Variants in MBD5 observed in about 807,000 individuals in gnomAD.
MBD5 encodes methyl-CpG binding domain protein 5.
In MBD5, 13 loss-of-function variants were observed where a neutral mutation model predicts 117.3. The observed-to-expected ratio is 0.11, with a 90% CI of 0.07 to 0.18. The LOEUF (loss-of-function observed/expected upper bound fraction) is 0.18, where lower values mean the gene tolerates loss of function less well. Ranked by LOEUF, MBD5 falls within the 10% of genes least tolerant of loss-of-function variation. The probability of loss-of-function intolerance (pLI) is 1.00; values close to 1 mark genes in which losing one functional copy is unlikely to be tolerated. For synonymous variants in MBD5, 727 were observed against 766.4 expected (o/e 0.95, Z 0.85); for missense variants, 1,879 against 2,093.8 (o/e 0.90, Z 2.00).
At chr2:148,394,705 C>T in intron 4 of MBD5, among the ~76,000 whole-genome samples, 1 of 133,322 alleles carries the variant, frequency 7.5e-6, no homozygotes. Flanking sequence ...TTTGTTAGTG[C>T]TGTTCTCAAT....
chr2:148,509,437 C>G (rs1682143972), intron 12 of MBD5, among the ~76,000 whole-genome samples: 1 of 152,202 alleles, frequency 6.6e-6, no homozygotes, highest in African/African-American at 2.4e-5. Flanking sequence ...GATAGGCACC[C>G]TGAGGCCGTC....
At chr2:148,122,699 GT>G (rs2105414277) in intron 1 of MBD5, among the ~76,000 whole-genome samples, 1 of 152,286 alleles carries the variant, frequency 6.6e-6, no homozygotes, top group Non-Finnish European at 1.5e-5. Context: ...CATTCAATAT[GT>G]TGACTGTCTT....
chr2:148,077,847 A>G (rs1695543890), intron 1 of MBD5, among the ~76,000 whole-genome samples: 1 of 152,106 alleles, frequency 6.6e-6, no homozygotes, highest in Admixed American at 6.5e-5. Flanking sequence ...GATGCCTTGA[A>G]CTTAATACAT....
chr2:148,370,595 C>G (rs142233552), intron 4 of MBD5, among the ~76,000 whole-genome samples: 1 of 152,164 alleles, frequency 6.6e-6, no homozygotes, highest in Non-Finnish European at 1.5e-5. Context: ...CTCAAGTGAT[C>G]CTGCTGCCTC....
At chr2:148,059,472 C>G (rs1694967114) in intron 1 of MBD5, among the ~76,000 whole-genome samples, 2 of 152,094 alleles carry the variant, frequency 1.3e-5, no homozygotes, top group South Asian at 4.1e-4. Context: ...TTACTGTTAG[C>G]TATGTAAATA....
chr2:148,134,446 A>G (rs904174232), intron 1 of MBD5, among the ~76,000 whole-genome samples: 6 of 152,196 alleles, frequency 3.9e-5, no homozygotes, highest in African/African-American at 1.4e-4. Context: ...TCCTTTGAAC[A>G]TGGATAATAG....
Position 148,468,741 on chromosome 2 carries a change from T to A in MBD5, c.798T>A (p.Ile266=), listed in dbSNP as rs1208664164. Residue 266 remains isoleucine (I), a synonymous_variant, in exon 8 of 14, where the codon ATT becomes ATA. Transcript: ENST00000642680. ...ATGGAGCTCCCAATTCTAGTCCTAT[T>A]CACCTGAATAGGACTCCTCTTTCTC... The part of the protein sequence containing the change: ...GFHGAPNSSP[I]HLNRTPLSPP... 1.2e-6 allele frequency: 2 copies of A among 1,613,956 alleles called. No homozygotes were observed. Among genetic ancestry groups the A allele is most frequent in the Admixed American group, 3.3e-5 (2 of 60,004 alleles).
chr2:148,292,872 A>G (rs150097626), intron 3 of MBD5, among the ~76,000 whole-genome samples: 78 of 151,364 alleles, frequency 5.2e-4, no homozygotes, highest in African/African-American at 1.8e-3. Flanking sequence ...CCTATACACA[A>G]CAGAGTACCA....
Position 148,053,393 on chromosome 2 carries a change from T to C in MBD5, c.-925+31709T>C, listed in dbSNP as rs371227967. On this transcript the variant is annotated intron_variant, in intron 1 of 13. Transcript: ENST00000642680. ...AAAATAAAATACACAACATGGTAAA[T>C]TTTGAAGCTTAATAATAAAATAAAT... Among the ~76,000 whole-genome samples, 4 of 152,098 alleles carry C rather than the reference T, an allele frequency of 2.6e-5. No homozygotes were observed. The East Asian group carries it at 5.8e-4, about 22-fold the overall frequency.
At chr2:148,202,225 A>T (rs1699164205) in intron 2 of MBD5, among the ~76,000 whole-genome samples, 1 of 152,232 alleles carries the variant, frequency 6.6e-6, no homozygotes, top group South Asian at 2.1e-4. Flanking sequence ...TCAAAATATG[A>T]TATGTTCTAA....
chr2:148,201,866 G>A (rs553516135), intron 2 of MBD5, among the ~76,000 whole-genome samples: 5 of 152,258 alleles, frequency 3.3e-5, no homozygotes, highest in South Asian at 4.2e-4. Context: ...TAAAACAAAG[G>A]CTCAAGGGGC....
intron 8 of MBD5, among the ~76,000 whole-genome samples, chr2:148,477,972 C>T (rs75168630): frequency 6.6e-6 from 1 of 152,094 alleles, no homozygotes; most frequent in Non-Finnish European, 1.5e-5. Flanking sequence ...CTTCATTGGT[C>T]TCTTTGATAT....
At chr2:148,079,855 T>C (rs1695602122) in intron 1 of MBD5, among the ~76,000 whole-genome samples, 1 of 79,912 alleles carries the variant, frequency 1.3e-5, no homozygotes, top group African/African-American at 5.4e-5. Flanking sequence ...AGACTCTGTC[T>C]AAAACAACAA....
At chr2:148,224,201 A>C (rs189174181) in intron 2 of MBD5, among the ~76,000 whole-genome samples, 3 of 152,296 alleles carry the variant, frequency 2.0e-5, no homozygotes, top group Admixed American at 6.5e-5. Context: ...CAGCCATTGG[A>C]TGAACTGTTC....
chr2:148,474,683 A>T (rs1444656092), intron 8 of MBD5, among the ~76,000 whole-genome samples: 3 of 152,194 alleles, frequency 2.0e-5, no homozygotes. Flanking sequence ...GAATATAAAT[A>T]AGCCTACAAA....
chr2:148,157,632 A>G (rs1379627252), intron 1 of MBD5, among the ~76,000 whole-genome samples: 1 of 152,214 alleles, frequency 6.6e-6, no homozygotes, highest in African/African-American at 2.4e-5. Flanking sequence ...AGTTCTGAAA[A>G]GAAGAAACTT....
At chr2:148,049,366 A>G (rs1450332405) in intron 1 of MBD5, among the ~76,000 whole-genome samples, 1 of 152,218 alleles carries the variant, frequency 6.6e-6, no homozygotes, top group East Asian at 1.9e-4. Flanking sequence ...TAGCCATAGA[A>G]TAATTGTTAT....
At chr2:148,443,398 T>C (rs1446231345) in intron 4 of MBD5, among the ~76,000 whole-genome samples, 4 of 151,360 alleles carry the variant, frequency 2.6e-5, no homozygotes, top group Non-Finnish European at 5.9e-5. Context: ...CCTAGGTAGA[T>C]ACCCAAAAGA....
intron 4 of MBD5, among the ~76,000 whole-genome samples, chr2:148,368,489 T>C (rs945727857): frequency 1.6e-4 from 24 of 152,144 alleles, no homozygotes; most frequent in Admixed American, 1.2e-3. Flanking sequence ...TAAAAACTTT[T>C]TTAAAATAAA....
Sources: allele counts gnomAD v4.1 joint callset (sites outside exome capture counted in the v4.1 genomes callset), GRCh38; gene constraint gnomAD v4.1.1; transcripts MANE v1.5; gene names NCBI Gene and HGNC (gene_info 2026-07-23, HGNC 2026-07-21).